The following ECHDC1 variants were observed in gnomAD, a reference collection of about 807,000 sequenced individuals.
ECHDC1 encodes the protein ethylmalonyl-CoA decarboxylase 1.
A neutral mutation model predicts 29.7 loss-of-function variants in ECHDC1; 29 were observed. That is an observed-to-expected ratio of 0.98 (90% CI 0.73 to 1.33). ECHDC1 has a LOEUF of 1.33. ECHDC1 is among the 40% of genes most tolerant of loss of function. ECHDC1 has a pLI of 0.00. For synonymous variants in ECHDC1, 126 were observed against 123.1 expected, an observed-to-expected ratio of 1.02 and a Z score of -0.15; for missense variants, 328 against 350.0, an observed-to-expected ratio of 0.94 and a Z score of 0.50.
chr6:127,341,948 C>G (rs1470253103), intron 1 of ECHDC1, among the ~76,000 whole-genome samples: 1 of 152,254 alleles, frequency 6.6e-6, no homozygotes, highest in East Asian at 1.9e-4. Context: ...CATAAACTAC[C>G]TTTCAAGGTT....
chr6:127,319,878 G>A (rs920595686), intron 3 of ECHDC1, among the ~76,000 whole-genome samples: 8 of 152,176 alleles, frequency 5.3e-5, no homozygotes, highest in African/African-American at 1.9e-4. Flanking sequence ...AACATCATAT[G>A]TACTCTAAGC....
chr6:127,312,798 C>T (rs987358528), intron 5 of ECHDC1, among the ~76,000 whole-genome samples: 4 of 152,070 alleles, frequency 2.6e-5, no homozygotes, highest in African/African-American at 9.7e-5. Flanking sequence ...ATCTCAGAAA[C>T]AAACTTGAAT....
At chr6:127,302,554 C>T (rs1277736130) in intron 5 of ECHDC1, among the ~76,000 whole-genome samples, 1 of 151,964 alleles carries the variant, frequency 6.6e-6, no homozygotes, top group African/African-American at 2.4e-5. Context: ...CGCCTGCCAC[C>T]ATGCCCGGCT....
chr6:127,342,238 A>T, intron 1 of ECHDC1: 1 of 1,051,336 alleles, frequency 9.5e-7, no homozygotes, highest in Non-Finnish European at 1.3e-6. Context: ...CATTAGTCTT[A>T]GCTGCAAGAG....
intron 4 of ECHDC1, chr6:127,315,270 A>C (rs1276099568): frequency 2.7e-6 from 1 of 373,294 alleles, no homozygotes; most frequent in South Asian, 2.1e-5. Flanking sequence ...ATGTGATATT[A>C]TCTTTGTCCA....
At chr6:127,338,686 A>T (rs117819130) in intron 1 of ECHDC1, among the ~76,000 whole-genome samples, 203 of 152,270 alleles carry the variant, frequency 1.3e-3, no homozygotes, top group Non-Finnish European at 2.6e-3. Flanking sequence ...TGTAACCAGA[A>T]TTTTTATGGT....
chr6:127,294,321 AT>A (rs986981993), intron 5 of ECHDC1, among the ~76,000 whole-genome samples: 2 of 152,238 alleles, frequency 1.3e-5, no homozygotes, highest in Non-Finnish European at 2.9e-5. Context: ...AGCATAGAAA[AT>A]TATAGAATTC....
Position 127,327,898 on chromosome 6 carries a change from G to A in ECHDC1, c.221-754C>T, listed in dbSNP as rs151338088. 1.6e-4 allele frequency among the ~76,000 whole-genome samples: 24 copies of A among 152,216 alleles called. No homozygotes were observed. The East Asian group carries it at 3.5e-3, about 22-fold the overall frequency. ...ATAACTTTTAGATATGCTTATCTTT[G>A]GTGATCTTCTAAGTTCACAAAGTTC... On this transcript the variant is annotated intron_variant, in intron 2 of 5. Coordinates refer to ENST00000454859, the MANE Select transcript of ECHDC1 (RefSeq NM_001002030.2).
At chr6:127,314,210 A>G (rs912712914) in intron 5 of ECHDC1, among the ~76,000 whole-genome samples, 29 of 152,228 alleles carry the variant, frequency 1.9e-4, no homozygotes, top group African/African-American at 7.0e-4. Context: ...CTGAGAAAGC[A>G]GTTTAAACCA....
intron 3 of ECHDC1, among the ~76,000 whole-genome samples, chr6:127,318,851 A>T (rs1782607456): frequency 1.3e-5 from 2 of 152,264 alleles, no homozygotes; most frequent in African/African-American, 2.4e-5. Flanking sequence ...GGAATTTCCT[A>T]ATCCAAAGCT....
intron 5 of ECHDC1, among the ~76,000 whole-genome samples, chr6:127,290,586 G>GA (rs1368501087): frequency 2.0e-5 from 3 of 152,072 alleles, no homozygotes; most frequent in Non-Finnish European, 2.9e-5. Context: ...TGGATCAAGT[G>GA]AAAGTATGGG....
chr6:127,308,257 T>C (rs1342509791), intron 5 of ECHDC1, among the ~76,000 whole-genome samples: 1 of 152,104 alleles, frequency 6.6e-6, no homozygotes. Context: ...AACAAAATAC[T>C]AGCAAACTGA....
At chr6:127,320,742 A>G (rs1430150284) in intron 3 of ECHDC1, among the ~76,000 whole-genome samples, 1 of 152,124 alleles carries the variant, frequency 6.6e-6, no homozygotes, top group East Asian at 1.9e-4. Flanking sequence ...ACTTTTCAGC[A>G]GGGTTAATGT....
chr6:127,335,599 C>T (rs757780755), intron 1 of ECHDC1, among the ~76,000 whole-genome samples: 14 of 151,980 alleles, frequency 9.2e-5, no homozygotes, highest in South Asian at 2.1e-4. Flanking sequence ...AATCTGTTAT[C>T]GTCTTTCTTT....
chr6:127,309,094 G>GA (rs1217195207), intron 5 of ECHDC1, among the ~76,000 whole-genome samples: 2 of 151,744 alleles, frequency 1.3e-5, no homozygotes, highest in African/African-American at 2.4e-5. Flanking sequence ...CACATAAATC[G>GA]AAAAAAAGAT....
chr6:127,323,587 T>C (rs1387078455), intron 3 of ECHDC1, among the ~76,000 whole-genome samples: 1 of 152,152 alleles, frequency 6.6e-6, no homozygotes, highest in Non-Finnish European at 1.5e-5. Flanking sequence ...AAATAAGATT[T>C]AGAAAGATTA....
intron 5 of ECHDC1, among the ~76,000 whole-genome samples, chr6:127,308,953 A>G (rs1781661067): frequency 6.6e-6 from 1 of 152,196 alleles, no homozygotes; most frequent in Non-Finnish European, 1.5e-5. Context: ...AAGAAATTGA[A>G]GTGGACATTA....
intron 2 of ECHDC1, among the ~76,000 whole-genome samples, chr6:127,328,888 G>A (rs760281317): frequency 2.0e-5 from 3 of 151,998 alleles, no homozygotes; most frequent in Non-Finnish European, 2.9e-5. Context: ...CTAGCCGGGC[G>A]TGGTGGCAGG....
chr6:127,309,359 A>G (rs994777814), intron 5 of ECHDC1, among the ~76,000 whole-genome samples: 2 of 152,080 alleles, frequency 1.3e-5, no homozygotes, highest in Non-Finnish European at 2.9e-5. Context: ...TCTTCAATAA[A>G]TGATGCTGGG....
Sources: gnomAD v4.1 joint callset for allele counts (sites outside exome capture counted in the v4.1 genomes callset) on GRCh38, gnomAD v4.1.1 for gene constraint, MANE v1.5 for transcripts, NCBI Gene and HGNC (gene_info 2026-07-23, HGNC 2026-07-21) for gene names.